The following L3MBTL4 variants were observed in gnomAD, a reference collection of about 807,000 sequenced individuals.
L3MBTL4 encodes the protein L3MBTL histone methyl-lysine binding protein 4, also known as lethal(3)malignant brain tumor-like protein 4.
L3MBTL4 carries 70 observed loss-of-function variants against 84.5 expected under a neutral mutation model. The observed-to-expected ratio is 0.83, with a 90% CI of 0.68 to 1.01. The LOEUF (loss-of-function observed/expected upper bound fraction) is 1.01. Ranked by LOEUF, L3MBTL4 falls within the 50% of genes least tolerant of loss-of-function variation. The pLI is 0.00. For missense variants in L3MBTL4, 715 were observed against 754.8 expected (o/e 0.95, Z 0.62); for synonymous variants, 274 against 259.8 (o/e 1.05, Z -0.52).
At chr18:6,184,245 C>T (rs76559326) in intron 12 of L3MBTL4, among the ~76,000 whole-genome samples, 1,536 of 152,292 alleles carry the variant, frequency 0.01, 21 homozygotes, top group Non-Finnish European at 0.015. Context: ...CTGTTCACTT[C>T]CGATCATTTA....
At chr18:6,231,229 T>C (rs1253822656) in intron 10 of L3MBTL4, among the ~76,000 whole-genome samples, 1 of 152,224 alleles carries the variant, frequency 6.6e-6, no homozygotes, top group Non-Finnish European at 1.5e-5. Context: ...TTTAAGTGTT[T>C]AAACCATCTT....
chr18:6,313,987 GA>G (rs1469242848), intron 1 of L3MBTL4, among the ~76,000 whole-genome samples: 10 of 151,976 alleles, frequency 6.6e-5, no homozygotes, highest in Non-Finnish European at 1.5e-4. Context: ...TCAAATACAA[GA>G]GACCATTAAA....
At chr18:6,111,556 C>G (rs2059196419) in intron 14 of L3MBTL4, among the ~76,000 whole-genome samples, 1 of 151,978 alleles carries the variant, frequency 6.6e-6, no homozygotes, top group Non-Finnish European at 1.5e-5. Context: ...ATGGAGAATC[C>G]AAGAGGAAGC....
intron 4 of L3MBTL4, among the ~76,000 whole-genome samples, chr18:6,282,553 G>T (rs963482168): frequency 6.6e-6 from 1 of 152,116 alleles, no homozygotes; most frequent in Admixed American, 6.6e-5. Flanking sequence ...GGAAAGAAGG[G>T]GCACATTGCA....
chr18:6,154,338 C>T (rs1283973276), intron 13 of L3MBTL4, among the ~76,000 whole-genome samples: 2 of 152,112 alleles, frequency 1.3e-5, no homozygotes, highest in Non-Finnish European at 2.9e-5. Flanking sequence ...TAGTCATGCA[C>T]ATCAAGACAG....
intron 16 of L3MBTL4, among the ~76,000 whole-genome samples, chr18:5,974,750 AG>A (rs1405769778): frequency 5.9e-5 from 9 of 152,222 alleles, no homozygotes; most frequent in African/African-American, 2.2e-4. Context: ...GGATTGCTTG[AG>A]GCCAGGAGTT....
intron 14 of L3MBTL4, among the ~76,000 whole-genome samples, chr18:6,110,462 T>C (rs998756460): frequency 6.6e-6 from 1 of 151,944 alleles, no homozygotes; most frequent in Non-Finnish European, 1.5e-5. Flanking sequence ...TGGGGGGTTG[T>C]ATGTGTGGCA....
At chr18:6,038,407 C>A (rs990688925) in intron 16 of L3MBTL4, among the ~76,000 whole-genome samples, 1 of 152,030 alleles carries the variant, frequency 6.6e-6, no homozygotes, top group African/African-American at 2.4e-5. Flanking sequence ...GCGTCCGCCA[C>A]CGCGACCGGT....
chr18:6,165,027 G>A (rs2043571359), intron 13 of L3MBTL4, among the ~76,000 whole-genome samples: 1 of 152,196 alleles, frequency 6.6e-6, no homozygotes, highest in South Asian at 2.1e-4. Flanking sequence ...AGAACTACGT[G>A]ACGAATGCAC....
chr18:6,126,092 T>C (rs962223954), intron 14 of L3MBTL4, among the ~76,000 whole-genome samples: 2 of 152,280 alleles, frequency 1.3e-5, no homozygotes, highest in African/African-American at 2.4e-5. Flanking sequence ...GTATATTCTG[T>C]CTGATTCTAC....
At chr18:5,964,839 A>G (rs1248896379) in intron 17 of L3MBTL4, among the ~76,000 whole-genome samples, 1 of 152,222 alleles carries the variant, frequency 6.6e-6, no homozygotes, top group Non-Finnish European at 1.5e-5. Flanking sequence ...GAATCAGGGA[A>G]CAGACTACAT....
intron 1 of L3MBTL4, among the ~76,000 whole-genome samples, chr18:6,340,096 T>C (rs893031544): frequency 6.6e-6 from 1 of 152,050 alleles, no homozygotes; most frequent in Non-Finnish European, 1.5e-5. Flanking sequence ...CCTAAAAACC[T>C]AAGAACATTA....
chr18:6,034,236 C>T (rs1210696876), intron 16 of L3MBTL4, among the ~76,000 whole-genome samples: 26 of 151,964 alleles, frequency 1.7e-4, no homozygotes, highest in Admixed American at 1.0e-3. Flanking sequence ...CATGCTGGTG[C>T]GCTGCACCCA....
chr18:6,063,299 C>CTGAGTGTGTGTG (rs2057294701), intron 16 of L3MBTL4, among the ~76,000 whole-genome samples: 1 of 141,142 alleles, frequency 7.1e-6, no homozygotes, highest in South Asian at 2.3e-4. Context: ...CTATAAATAT[C>CTGAGTGTGTGTG]TGTGTGTGTG....
chr18:5,983,102 C>T (rs964271820), intron 16 of L3MBTL4, among the ~76,000 whole-genome samples: 4 of 152,136 alleles, frequency 2.6e-5, no homozygotes, highest in Admixed American at 6.5e-5. Flanking sequence ...GCTCACGTCA[C>T]GAGGAAACAC....
intron 12 of L3MBTL4, among the ~76,000 whole-genome samples, chr18:6,172,357 T>C (rs1352996072): frequency 6.6e-6 from 1 of 152,144 alleles, no homozygotes; most frequent in Non-Finnish European, 1.5e-5. Context: ...AGTGCTATAC[T>C]GATGGGAAAT....
intron 16 of L3MBTL4, among the ~76,000 whole-genome samples, chr18:6,045,934 CAGAG>C (rs2056600711): frequency 6.6e-6 from 1 of 152,112 alleles, no homozygotes. Flanking sequence ...TTAGAAGGCA[CAGAG>C]TTGCAAATTG....
At chr18:6,162,750 G>C (rs1349171814) in intron 13 of L3MBTL4, among the ~76,000 whole-genome samples, 1 of 152,174 alleles carries the variant, frequency 6.6e-6, no homozygotes, top group Admixed American at 6.5e-5. Flanking sequence ...ATGCCACACA[G>C]GCATTTGACA....
chr18:6,089,027 T>C (rs1476449726), intron 15 of L3MBTL4, among the ~76,000 whole-genome samples: 2 of 152,120 alleles, frequency 1.3e-5, no homozygotes, highest in Non-Finnish European at 1.5e-5. Flanking sequence ...CGAATGGTGG[T>C]GCTATCAATT....
Sources: gnomAD v4.1 joint callset for allele counts (sites outside exome capture counted in the v4.1 genomes callset) on GRCh38, gnomAD v4.1.1 for gene constraint, MANE v1.5 for transcripts, NCBI Gene and HGNC (gene_info 2026-07-23, HGNC 2026-07-21) for gene names.